Variants in DTNBP1 observed in about 807,000 individuals in gnomAD.
DTNBP1 encodes the protein dystrobrevin binding protein 1.
Under a neutral mutation model 42.8 loss-of-function variants are expected in DTNBP1, and 35 were observed. The observed-to-expected ratio is 0.82, with a 90% CI of 0.63 to 1.09. DTNBP1 has a LOEUF of 1.09. Ranked by LOEUF, DTNBP1 falls within the 50% of genes least tolerant of loss-of-function variation. The probability of loss-of-function intolerance (pLI) is 0.00; values close to 1 mark genes in which losing one functional copy is unlikely to be tolerated. For missense variants in DTNBP1, 457 were observed against 424.2 expected (o/e 1.08, Z -0.68); for synonymous variants, 171 against 162.2 (o/e 1.05, Z -0.41).
At chr6:15,597,138 C>G (rs1394788481) in intron 6 of DTNBP1, among the ~76,000 whole-genome samples, 1 of 152,148 alleles carries the variant, frequency 6.6e-6, no homozygotes, top group African/African-American at 2.4e-5. Context: ...TTGGAATAGA[C>G]ATGTTCCATA....
intron 6 of DTNBP1, among the ~76,000 whole-genome samples, chr6:15,603,481 G>A (rs1374596152): frequency 6.6e-6 from 1 of 152,014 alleles, no homozygotes; most frequent in Non-Finnish European, 1.5e-5. Context: ...TACTGTCCTT[G>A]TCTTCTAATT....
intron 7 of DTNBP1, among the ~76,000 whole-genome samples, chr6:15,586,598 C>G (rs1036652314): frequency 2.6e-5 from 4 of 152,008 alleles, no homozygotes; most frequent in Non-Finnish European, 4.4e-5. Context: ...TTCCTTTAGC[C>G]TTAGCTTTTG....
chr6:15,583,336 A>G (rs1403464962), intron 7 of DTNBP1, among the ~76,000 whole-genome samples: 4 of 152,200 alleles, frequency 2.6e-5, no homozygotes, highest in Non-Finnish European at 4.4e-5. Flanking sequence ...CCAGATGAAT[A>G]TTTAAGTAGG....
chr6:15,642,946 T>C (rs898585320), intron 3 of DTNBP1, among the ~76,000 whole-genome samples: 2 of 152,156 alleles, frequency 1.3e-5, no homozygotes, highest in Non-Finnish European at 2.9e-5. Context: ...ATTAGCTCTC[T>C]AGCAATGGAT....
At chr6:15,620,415 T>C (rs962265269) in intron 5 of DTNBP1, among the ~76,000 whole-genome samples, 1 of 152,280 alleles carries the variant, frequency 6.6e-6, no homozygotes, top group East Asian at 1.9e-4. Context: ...CTTGAACTCC[T>C]GGGCTTGAGC....
intron 7 of DTNBP1, among the ~76,000 whole-genome samples, chr6:15,559,068 C>T (rs1774692356): frequency 6.6e-6 from 1 of 152,204 alleles, no homozygotes; most frequent in African/African-American, 2.4e-5. Context: ...GCAGTGGAGA[C>T]AACTCGCAAC....
At chr6:15,584,705 C>CTTTTT (rs147548247) in intron 7 of DTNBP1, among the ~76,000 whole-genome samples, 63 of 86,358 alleles carry the variant, frequency 7.3e-4, no homozygotes, top group East Asian at 1.9e-3. Context: ...ACATGTATTT[C>CTTTTT]TTTTTTTTTT....
Position 15,524,070 on chromosome 6 carries a change from A to G in DTNBP1, c.811+456T>C, listed in dbSNP as rs768070808. 27 of 1,307,976 alleles carry G rather than the reference A, an allele frequency of 2.1e-5. No individual in the cohort carries two copies. The South Asian group carries it at 2.8e-4, about 14-fold the overall frequency. The allele number at this position is 1,307,976 out of a possible 1,614,324, so 81.0% of individuals were successfully genotyped here. A position where few individuals can be genotyped will look rare whatever the true frequency, so the allele number is the denominator to read the frequency against. On this transcript the variant is annotated intron_variant, in intron 9 of 9. Transcript: ENST00000344537. ...GGATGAAAGGAACTGAAGTGCAACTAAGTTTACAACACAGGCCAAGAGCTG... is the reference window on the plus strand; with the variant it reads ...GGATGAAAGGAACTGAAGTGCAACTGAGTTTACAACACAGGCCAAGAGCTG...
chr6:15,612,763 T>C (rs1758484579), intron 6 of DTNBP1, among the ~76,000 whole-genome samples: 1 of 152,198 alleles, frequency 6.6e-6, no homozygotes, highest in Non-Finnish European at 1.5e-5. Flanking sequence ...TCCAACCTCC[T>C]GCAAAAATTT....
chr6:15,526,263 C>T (rs920307644), intron 8 of DTNBP1, among the ~76,000 whole-genome samples: 4 of 152,106 alleles, frequency 2.6e-5, no homozygotes, highest in African/African-American at 9.7e-5. Flanking sequence ...AGCAAAGAGA[C>T]GTGTGAGTGT....
At chr6:15,643,109 G>A (rs370721547) in intron 3 of DTNBP1, among the ~76,000 whole-genome samples, 22 of 152,330 alleles carry the variant, frequency 1.4e-4, no homozygotes, top group Middle Eastern at 3.4e-3. Flanking sequence ...GCTATATTAC[G>A]AGAGAAACAA....
At chr6:15,592,463 T>A (rs1776339313) in intron 7 of DTNBP1, among the ~76,000 whole-genome samples, 2 of 152,210 alleles carry the variant, frequency 1.3e-5, no homozygotes, top group African/African-American at 4.8e-5. Context: ...CCATGACCAG[T>A]AAGGGTCAAC....
intron 7 of DTNBP1, among the ~76,000 whole-genome samples, chr6:15,588,648 T>A (rs2113610477): frequency 6.6e-6 from 1 of 152,362 alleles, no homozygotes; most frequent in East Asian, 1.9e-4. Context: ...TACCAGTTGT[T>A]CCTTGCCTCT....
chr6:15,642,592 CT>C (rs1337502658), intron 3 of DTNBP1, among the ~76,000 whole-genome samples: 3 of 152,182 alleles, frequency 2.0e-5, no homozygotes, highest in Non-Finnish European at 2.9e-5. Context: ...GATGAGCCCC[CT>C]GGGATCTCCA....
At chr6:15,576,941 C>T (rs1775603604) in intron 7 of DTNBP1, among the ~76,000 whole-genome samples, 1 of 152,064 alleles carries the variant, frequency 6.6e-6, no homozygotes, top group Non-Finnish European at 1.5e-5. Context: ...CTAGGCCCAA[C>T]AGATAGAGCA....
At chr6:15,624,897 A>G (rs995234699) in intron 5 of DTNBP1, among the ~76,000 whole-genome samples, 15 of 152,184 alleles carry the variant, frequency 9.9e-5, no homozygotes, top group Admixed American at 3.3e-4. Flanking sequence ...AATGCATCAA[A>G]ATGAATTCAT....
chr6:15,595,465 C>T (rs781700997), intron 6 of DTNBP1, among the ~76,000 whole-genome samples: 3 of 151,890 alleles, frequency 2.0e-5, no homozygotes, highest in Non-Finnish European at 2.9e-5. Context: ...TGGGGTTTCA[C>T]CATGTTGGCC....
chr6:15,622,273 A>G (rs897471503), intron 5 of DTNBP1, among the ~76,000 whole-genome samples: 1 of 152,230 alleles, frequency 6.6e-6, no homozygotes. Context: ...ACCAGGTCAC[A>G]TTATCAGTGA....
chr6:15,585,963 C>T, intron 7 of DTNBP1: 1 of 1,313,424 alleles, frequency 7.6e-7, no homozygotes, highest in East Asian at 2.7e-5. Flanking sequence ...ACATTGGAAT[C>T]TACTGCCTCT....
Sources: allele counts gnomAD v4.1 joint callset (sites outside exome capture counted in the v4.1 genomes callset), GRCh38; gene constraint gnomAD v4.1.1; transcripts MANE v1.5; gene names NCBI Gene and HGNC (gene_info 2026-07-23, HGNC 2026-07-21).